The following NPRL3 variants were observed in gnomAD, a reference collection of about 807,000 sequenced individuals.
NPRL3 encodes NPR3 like, GATOR1 complex subunit.
NPRL3 carries 23 observed loss-of-function variants against 57.2 expected under a neutral mutation model. That is an observed-to-expected ratio of 0.40 (90% CI 0.29 to 0.57). The LOEUF (loss-of-function observed/expected upper bound fraction) is 0.57, where lower values mean the gene tolerates loss of function less well. Among genes scored for constraint, NPRL3 ranks in the 20% least tolerant of loss-of-function variants. The probability of loss-of-function intolerance (pLI) is 0.42; values close to 1 mark genes in which losing one functional copy is unlikely to be tolerated. For synonymous variants in NPRL3, 333 were observed against 321.1 expected (o/e 1.04, Z -0.39); for missense variants, 691 against 767.1 (o/e 0.90, Z 1.17).
chr16:132,488 A>G (rs1410703854), intron 2 of NPRL3, among the ~76,000 whole-genome samples: 2 of 152,174 alleles, frequency 1.3e-5, no homozygotes, highest in African/African-American at 4.8e-5. Context: ...AAAGTCATCC[A>G]TGAGAGCTGG....
intron 2 of NPRL3, among the ~76,000 whole-genome samples, chr16:134,688 A>AT (rs754866010): frequency 3.9e-5 from 4 of 101,852 alleles, no homozygotes; most frequent in African/African-American, 1.5e-4. Flanking sequence ...CACAGTAATT[A>AT]TTATTATTTT....
intron 3 of NPRL3, among the ~76,000 whole-genome samples, chr16:121,343 C>T (rs1202606662): frequency 6.6e-6 from 1 of 152,210 alleles, no homozygotes; most frequent in Non-Finnish European, 1.5e-5. Context: ...GCACACTGGG[C>T]CAGGCGTGGT....
At chr16:117,070 C>A (rs904964672) in intron 5 of NPRL3, among the ~76,000 whole-genome samples, 4 of 152,112 alleles carry the variant, frequency 2.6e-5, no homozygotes, top group Non-Finnish European at 5.9e-5. Flanking sequence ...GGTTATACAA[C>A]ATGAATGTAC....
chr16:128,464 TG>T lies in NPRL3; in HGVS notation c.188+2057del, dbSNP rs146181810. ...CTGGTTTCAGAAAGAAAAGCACTTTTGGGAACAACAGTCAAAGACACGGGCC... is the reference window on the plus strand; with the variant it reads ...CTGGTTTCAGAAAGAAAAGCACTTTTGGAACAACAGTCAAAGACACGGGCC... On this transcript the variant is annotated intron_variant, in intron 3 of 13. Transcript: ENST00000611875. Among the ~76,000 whole-genome samples the T allele has an allele frequency of 3.0e-3, 456 of 152,288 alleles. 2 individuals carry two copies. Among genetic ancestry groups the T allele is most frequent in the African/African-American group, 0.01 (428 of 41,572 alleles).
At chr16:135,608 CAAAA>C (rs555589072) in intron 2 of NPRL3, among the ~76,000 whole-genome samples, 2 of 56,852 alleles carry the variant, frequency 3.5e-5, no homozygotes, top group East Asian at 9.7e-4. Flanking sequence ...GACTCTGTCT[CAAAA>C]AAAAAAAAAA....
At chr16:117,076 T>C (rs537052571) in intron 5 of NPRL3, among the ~76,000 whole-genome samples, 9 of 152,292 alleles carry the variant, frequency 5.9e-5, no homozygotes, top group Admixed American at 5.2e-4. Context: ...ACAACATGAA[T>C]GTACCAGATG....
At chr16:133,687 C>T (rs1900920753) in intron 2 of NPRL3, among the ~76,000 whole-genome samples, 1 of 152,210 alleles carries the variant, frequency 6.6e-6, no homozygotes, top group Non-Finnish European at 1.5e-5. Flanking sequence ...CCATTTCCTT[C>T]AAGAGCTTTT....
chr16:90,846 G>A (rs184010870), intron 11 of NPRL3: 14 of 152,328 alleles, frequency 9.2e-5, no homozygotes, highest in African/African-American at 3.4e-4. Context: ...AAATAAAACA[G>A]ACGCGGGTGG....
At chr16:126,558 C>T (rs1263101610) in intron 3 of NPRL3, among the ~76,000 whole-genome samples, 3 of 152,086 alleles carry the variant, frequency 2.0e-5, no homozygotes, top group East Asian at 1.9e-4. Flanking sequence ...AAGCACTGCT[C>T]GCAGTTTCAA....
chr16:88,975 C>A, intron 12 of NPRL3, 85 bp from the exon 13 acceptor site: 2 of 1,217,450 alleles, frequency 1.6e-6, no homozygotes, highest in Non-Finnish European at 2.4e-6. Flanking sequence ...AGCCAGCCTC[C>A]AATGACACCC....
intron 2 of NPRL3, 25 bp downstream of exon 2, chr16:138,125 A>G: frequency 6.5e-7 from 1 of 1,545,176 alleles, no homozygotes; most frequent in Non-Finnish European, 8.8e-7. Context: ...CGCGAGCGCC[A>G]GGCCCCCGCC....
chr16:92,517 T>A (rs1898803589), intron 11 of NPRL3, 79 bp downstream of exon 11: 2 of 1,534,098 alleles, frequency 1.3e-6, no homozygotes, highest in Admixed American at 1.9e-5. Flanking sequence ...GGCTCTCAGA[T>A]CAGAACCAAC....
chr16:98,265 C>T lies in NPRL3; in HGVS notation c.804G>A (p.Lys268=), dbSNP rs1899108651. The T allele has an allele frequency of 5.0e-6, 8 of 1,613,850 alleles. No individual in the cohort carries two copies. The highest frequency in any genetic ancestry group is 6.8e-6 in the Non-Finnish European group (8 of 1,179,874). ...YHALLLLSDE[K]SLLGELPIDC... is the part of the protein sequence containing the mutation. ...CAATAGGAAGCTCACCCAGCAAGGA[C>T]TTCTCATCACTGAGCAGCAGCAGGG... is the stretch of plus-strand genomic sequence containing the variant. The change falls in exon 9 of 14, where the codon AAG becomes AAA. Residue 268 remains lysine, a synonymous_variant. Coordinates refer to ENST00000611875, the MANE Select transcript of NPRL3 (RefSeq NM_001077350.3).
In NPRL3 at chr16:97,482, G is replaced by C. The variant is rs573825717; in HGVS notation, c.924+663C>G. Among the ~76,000 whole-genome samples, 9 of 139,330 alleles carry C rather than the reference G, an allele frequency of 6.5e-5. No homozygotes were observed. The Admixed American group carries it at 6.6e-4, about 10-fold the overall frequency. 91.4% of individuals were successfully genotyped at this position (139,330 alleles called of 152,430 possible). Reference sequence around the variant, plus strand: ...CCATGTTGCTCAGGCTGGTCTCAAAGTCCTGGGCTAGGATGACAGGCATGA... The same window carrying C: ...CCATGTTGCTCAGGCTGGTCTCAAACTCCTGGGCTAGGATGACAGGCATGA... On this transcript the variant is annotated intron_variant, in intron 9 of 13. Transcript: ENST00000611875.
intron 8 of NPRL3, among the ~76,000 whole-genome samples, chr16:98,612 G>C (rs778691121): frequency 2.0e-5 from 3 of 152,236 alleles, no homozygotes; most frequent in African/African-American, 7.2e-5. Flanking sequence ...CCAAGAGCGG[G>C]ATTTGAGAAA....
At chr16:95,789 T>C (rs1019747303) in intron 9 of NPRL3, among the ~76,000 whole-genome samples, 1 of 152,162 alleles carries the variant, frequency 6.6e-6, no homozygotes, top group African/African-American at 2.4e-5. Context: ...AGGCTGGTCG[T>C]GACCTCCTGG....
chr16:94,103 T>A (rs1007143666), intron 9 of NPRL3, among the ~76,000 whole-genome samples: 13 of 150,246 alleles, frequency 8.7e-5, no homozygotes, highest in African/African-American at 2.9e-4. Context: ...GGGTGTGGAG[T>A]CACTCAGCAT....
At chr16:108,406 G>A (rs911402166) in intron 7 of NPRL3, among the ~76,000 whole-genome samples, 3 of 152,084 alleles carry the variant, frequency 2.0e-5, no homozygotes, top group African/African-American at 4.8e-5. Context: ...GAGGCATCTC[G>A]TGTGTTGCTG....
chr16:113,617 A>C (rs2141951707), intron 5 of NPRL3, among the ~76,000 whole-genome samples: 1 of 152,314 alleles, frequency 6.6e-6, no homozygotes. Flanking sequence ...TAACTGGGCC[A>C]ACCATGACTC....
Sources: gnomAD v4.1 joint callset for allele counts (sites outside exome capture counted in the v4.1 genomes callset) on GRCh38, gnomAD v4.1.1 for gene constraint, MANE v1.5 for transcripts, NCBI Gene and HGNC (gene_info 2026-07-23, HGNC 2026-07-21) for gene names.